MNS1: variants seen among roughly 807,000 people sequenced by gnomAD.
MNS1 encodes meiosis-specific nuclear structural protein 1.
MNS1 carries 63 observed loss-of-function variants against 72.0 expected under a neutral mutation model. The observed-to-expected ratio is 0.87, with a 90% CI of 0.71 to 1.08. The LOEUF is 1.08. MNS1 is among the 50% of genes least tolerant of loss of function. The probability of loss-of-function intolerance (pLI) is 0.00; values close to 1 mark genes in which losing one functional copy is unlikely to be tolerated. For synonymous variants in MNS1, 188 were observed against 172.1 expected (o/e 1.09, Z -0.72); for missense variants, 604 against 562.4 (o/e 1.07, Z -0.75).
At chr15:56,460,742 A>C (rs1393596450) in intron 2 of MNS1, among the ~76,000 whole-genome samples, 1 of 152,200 alleles carries the variant, frequency 6.6e-6, no homozygotes, top group Non-Finnish European at 1.5e-5. Context: ...ATTATGAGTA[A>C]ACCTAGCACC....
chr15:56,460,009 A>ATATAT lies in MNS1; in HGVS notation c.226-3489_226-3488insATATA, dbSNP rs1555449667. Among the ~76,000 whole-genome samples the ATATAT allele has an allele frequency of 6.1e-4, 16 of 26,384 alleles. 3 individuals carry two copies. Among genetic ancestry groups the ATATAT allele is most frequent in the African/African-American group, 2.0e-3 (13 of 6,650 alleles). 17.3% of individuals were successfully genotyped at this position (26,384 alleles called of 152,430 possible). ...CTGTCTCAAAAAAAAAAAAAAAAAAAATACATATATATATATATATATATA... is the reference window on the plus strand; with the variant it reads ...CTGTCTCAAAAAAAAAAAAAAAAAAATATATATACATATATATATATATATATATA... On this transcript the variant is annotated intron_variant, in intron 2 of 9. Transcript: ENST00000260453.
chr15:56,448,341 A>C (rs1423381619), intron 3 of MNS1, among the ~76,000 whole-genome samples: 1 of 152,170 alleles, frequency 6.6e-6, no homozygotes, highest in African/African-American at 2.4e-5. Context: ...AGCTCCTGTC[A>C]CCCAGGCAGT....
At chr15:56,441,423 T>C (rs778889863) in intron 7 of MNS1, among the ~76,000 whole-genome samples, 5 of 152,172 alleles carry the variant, frequency 3.3e-5, no homozygotes, top group Non-Finnish European at 7.3e-5. Flanking sequence ...CAATACGATA[T>C]CCTGCGGTTC....
Position 56,465,082 on chromosome 15 carries a change from G to T in MNS1, c.-110C>A. ...CGCACCTGGCTGCGCGCGCTCGGGT[G>T]TTTACGCGGCGTCTTGGCAACGGTG... On this transcript the variant is annotated 5_prime_UTR_variant, in exon 1 of 10. Coordinates refer to ENST00000260453, the MANE Select transcript of MNS1 (RefSeq NM_018365.4). The T allele has an allele frequency of 6.8e-7, 1 of 1,472,656 alleles. No homozygotes were observed. The allele number at this position is 1,472,656 out of a possible 1,614,324, so 91.2% of individuals were successfully genotyped here. A position where few individuals can be genotyped will look rare whatever the true frequency, so the allele number is the denominator to read the frequency against.
At chr15:56,460,226 T>C (rs1934022648) in intron 2 of MNS1, among the ~76,000 whole-genome samples, 2 of 151,458 alleles carry the variant, frequency 1.3e-5, no homozygotes, top group South Asian at 2.1e-4. Context: ...ATTTAATTAG[T>C]TGCATTCCAA....
intron 2 of MNS1, chr15:56,463,745 G>T: frequency 3.1e-6 from 1 of 323,060 alleles, no homozygotes; most frequent in Non-Finnish European, 5.6e-6. Flanking sequence ...TCGTGCCACT[G>T]CACTGCAACC....
intron 8 of MNS1, 93 bp downstream of exon 8, chr15:56,434,045 A>G (rs2050671672): frequency 5.2e-6 from 7 of 1,348,614 alleles, no homozygotes; most frequent in Non-Finnish European, 7.1e-6. Context: ...ATTGTCTGGC[A>G]TATAAAGCTT....
intron 7 of MNS1, among the ~76,000 whole-genome samples, chr15:56,442,655 A>G (rs183008258): frequency 1.3e-5 from 2 of 152,312 alleles, no homozygotes; most frequent in East Asian, 3.9e-4. Flanking sequence ...ACCAAATACT[A>G]CATGTCTTCA....
At chr15:56,432,689 T>A (rs987484015) in intron 8 of MNS1, among the ~76,000 whole-genome samples, 1 of 152,318 alleles carries the variant, frequency 6.6e-6, no homozygotes, top group Admixed American at 6.5e-5. Context: ...GTTAGTTGTC[T>A]TGCTAACTTT....
chr15:56,448,370 G>T (rs1311898289), intron 3 of MNS1, among the ~76,000 whole-genome samples: 15 of 152,130 alleles, frequency 9.9e-5, no homozygotes, highest in African/African-American at 3.6e-4. Context: ...AATCAAATGG[G>T]TTGTTTTTTA....
chr15:56,430,684 C>A (rs910949839), intron 9 of MNS1, among the ~76,000 whole-genome samples: 6 of 152,128 alleles, frequency 3.9e-5, no homozygotes, highest in African/African-American at 1.4e-4. Context: ...TGTTTTCATA[C>A]ACATTCTCAT....
At chr15:56,433,959 T>C (rs2050669326) in intron 8 of MNS1, among the ~76,000 whole-genome samples, 179 bp downstream of exon 8, 1 of 152,156 alleles carries the variant, frequency 6.6e-6, no homozygotes, top group Non-Finnish European at 1.5e-5. Flanking sequence ...GTTTAGCACA[T>C]AGAAAGCATC....
Position 56,464,035 on chromosome 15 carries a change from G to A in MNS1, c.216C>T (p.Ala72=). The A allele has an allele frequency of 6.2e-7, 1 of 1,606,218 alleles. No homozygotes were observed. The highest frequency in any genetic ancestry group is 1.1e-5 in the South Asian group (1 of 88,966). ...GAATAGTAAAACTTACCTTTTGAATGGCCTCTTCCATATCCAACTCAAATT... is the reference window on the plus strand; with the variant it reads ...GAATAGTAAAACTTACCTTTTGAATAGCCTCTTCCATATCCAACTCAAATT... ...NEQFELDMEE[A]IQKAEENKRL... The change falls in exon 2 of 10, where the codon GCC becomes GCT. Residue 72 remains alanine (A), a synonymous_variant. Coordinates refer to ENST00000260453, the MANE Select transcript of MNS1 (RefSeq NM_018365.4).
At chr15:56,453,649 A>C (rs907750726) in intron 3 of MNS1, among the ~76,000 whole-genome samples, 11 of 152,180 alleles carry the variant, frequency 7.2e-5, no homozygotes, top group African/African-American at 2.7e-4. Context: ...TGGGCAATTA[A>C]TTATAACTAC....
In MNS1 at chr15:56,443,674, T is replaced by C. The variant is rs1596262111; in HGVS notation, c.867A>G (p.Gln289=). The C allele has an allele frequency of 6.2e-7, 1 of 1,613,420 alleles. No individual in the cohort carries two copies. Among genetic ancestry groups the C allele is most frequent in the Non-Finnish European group, 8.5e-7 (1 of 1,179,704 alleles). Reference sequence around the variant, plus strand: ...GCTGTAGCCTTTTCTCCTCATTTTCTTGAACTTTTGCCATCCGATCTTCTT... The same window carrying C: ...GCTGTAGCCTTTTCTCCTCATTTTCCTGAACTTTTGCCATCCGATCTTCTT... The part of the protein sequence containing the change: ...QREEDRMAKV[Q]ENEEKRLQLQ... The change falls in exon 6 of 10, where the codon CAA becomes CAG. Residue 289 remains glutamine, a synonymous_variant. Transcript: ENST00000260453.
chr15:56,431,652 A>G (rs887753350), intron 8 of MNS1, among the ~76,000 whole-genome samples, 154 bp from the exon 9 acceptor site: 1 of 151,972 alleles, frequency 6.6e-6, no homozygotes, highest in Admixed American at 6.6e-5. Flanking sequence ...TTTTTAAAAT[A>G]TATATTTTAT....
In MNS1 at chr15:56,464,105, T is replaced by C. The variant is rs767980500; in HGVS notation, c.146A>G (p.Asn49Ser). Residue 49 changes from asparagine to serine, a missense_variant, in exon 2 of 10, where the codon AAC (asparagine) becomes AGC (serine). Transcript: ENST00000260453. ...RNQMVQNEND[N>S]RVQRKQFLRL... ...GAGAAATTGCTTGCGCTGAACACGG[T>C]TATCATTTTCATTCTGCACCATTTG... 1.5e-5 allele frequency: 24 copies of C among 1,614,072 alleles called. No individual in the cohort carries two copies. In the Admixed American group the frequency reaches 3.8e-4, roughly 26 times the overall value.
chr15:56,462,729 A>T (rs1366584727), intron 2 of MNS1, among the ~76,000 whole-genome samples: 2 of 152,226 alleles, frequency 1.3e-5, no homozygotes, highest in Non-Finnish European at 2.9e-5. Flanking sequence ...GTTAAAACAA[A>T]CCAACTGTAA....
chr15:56,463,931 T>C (rs902171288), intron 2 of MNS1, 95 bp downstream of exon 2: 10 of 987,100 alleles, frequency 1.0e-5, no homozygotes, highest in East Asian at 2.4e-5. Context: ...CCTGCTGCTG[T>C]TGTTTATCTA....
Sources: gnomAD v4.1 joint callset for allele counts (sites outside exome capture counted in the v4.1 genomes callset) on GRCh38, gnomAD v4.1.1 for gene constraint, MANE v1.5 for transcripts, NCBI Gene and HGNC (gene_info 2026-07-23, HGNC 2026-07-21) for gene names.